Variants in NAA11 observed in about 807,000 individuals in gnomAD.
NAA11 encodes the protein N-alpha-acetyltransferase 11, NatA catalytic subunit.
Under a neutral mutation model 16.1 loss-of-function variants are expected in NAA11, and 15 were observed. The ratio of observed to expected loss-of-function variants is 0.93; its 90% confidence interval spans 0.62 to 1.44. NAA11 has a LOEUF of 1.44. Among genes scored for constraint, NAA11 ranks in the 40% most tolerant of loss-of-function variants. The pLI is 0.00. For missense variants in NAA11, 298 were observed against 291.3 expected (o/e 1.02, Z -0.17); for synonymous variants, 122 against 112.4 (o/e 1.09, Z -0.54).
chr4:79,316,262 A>G (rs999724637), downstream of NAA11, among the ~76,000 whole-genome samples: 2 of 152,242 alleles, frequency 1.3e-5, no homozygotes, highest in African/African-American at 4.8e-5. Flanking sequence ...CACATGGTTG[A>G]GAGGAAAGAA....
the NAA11 span, among the ~76,000 whole-genome samples, chr4:79,174,190 A>G: frequency 6.6e-6 from 1 of 152,202 alleles, no homozygotes; most frequent in South Asian, 2.1e-4. Flanking sequence ...ATTTTGAGAA[A>G]AAATCATTAG....
At chr4:79,308,858 GTTTTT>G (rs201689157) in intron 1 of NAA11, 31 of 151,344 alleles carry the variant, frequency 2.0e-4, no homozygotes, top group African/African-American at 7.3e-4. Flanking sequence ...GTTAGACTGA[GTTTTT>G]TTTTAAGTGC....
intron 2 of NAA11, among the ~76,000 whole-genome samples, chr4:79,246,463 C>T (rs1317066049): frequency 2.0e-5 from 3 of 150,384 alleles, no homozygotes; most frequent in African/African-American, 7.3e-5. Context: ...TTTAAAGAAT[C>T]CTTTAAAATG....
At position 79,310,380 on chromosome 4, in the gene NAA11, G is replaced by A. The variant is rs115378766; in HGVS notation, c.*12+14796C>T. On this transcript the variant is annotated intron_variant and NMD_transcript_variant, in intron 1 of 2. Transcript: ENST00000511542. ...CTGTGAATTTCCTTATTTTACTCTC[G>A]CAACAACTCTACAGTTCCTTAAAGC... is the stretch of plus-strand genomic sequence containing the variant. Among the ~76,000 whole-genome samples the A allele has an allele frequency of 5.5e-3, 833 of 152,204 alleles. 3 individuals are homozygous for A. The highest frequency in any genetic ancestry group is 0.016 in the African/African-American group (670 of 41,528).
At chr4:79,192,825 C>G in the NAA11 span, among the ~76,000 whole-genome samples, 1 of 150,258 alleles carries the variant, frequency 6.7e-6, no homozygotes, top group Non-Finnish European at 1.5e-5. Context: ...AATGGTTGAA[C>G]TAGTTTACAG....
chr4:79,181,881 T>A, the NAA11 span, among the ~76,000 whole-genome samples: 1 of 152,162 alleles, frequency 6.6e-6, no homozygotes, highest in South Asian at 2.1e-4. Flanking sequence ...CTGTTGAAAA[T>A]CATCTTCTGA....
chr4:79,202,236 T>G, the NAA11 span, among the ~76,000 whole-genome samples: 3 of 151,554 alleles, frequency 2.0e-5, no homozygotes, highest in South Asian at 2.1e-4. Flanking sequence ...AAATGTGGAA[T>G]GTATGTATAC....
intron 2 of NAA11, among the ~76,000 whole-genome samples, chr4:79,240,411 A>G (rs1052912724): frequency 6.6e-6 from 1 of 152,204 alleles, no homozygotes; most frequent in African/African-American, 2.4e-5. Flanking sequence ...TTTGTGTTAG[A>G]GATCATTATA....
chr4:79,187,888 A>G, the NAA11 span, among the ~76,000 whole-genome samples: 2 of 150,372 alleles, frequency 1.3e-5, no homozygotes, highest in African/African-American at 4.9e-5. Flanking sequence ...AGTCCCAGCT[A>G]CTCGGGAGGC....
intron 1 of NAA11, among the ~76,000 whole-genome samples, chr4:79,302,238 C>A: frequency 6.6e-6 from 1 of 152,150 alleles, no homozygotes; most frequent in East Asian, 1.9e-4. Context: ...AATTTTCCTT[C>A]TCTTCTGAAG....
chr4:79,196,955 C>CAAAAA, the NAA11 span, among the ~76,000 whole-genome samples: 1,093 of 86,118 alleles, frequency 0.013, 2 homozygotes, highest in East Asian at 0.028. Context: ...ATGAAAAAGA[C>CAAAAA]AAAAAAAAAA....
chr4:79,285,119 C>G (rs565638609), intron 2 of NAA11, among the ~76,000 whole-genome samples: 1 of 152,216 alleles, frequency 6.6e-6, no homozygotes, highest in Non-Finnish European at 1.5e-5. Flanking sequence ...ACGCTAACAC[C>G]TGTCAGCATG....
chr4:79,198,989 C>T, the NAA11 span, among the ~76,000 whole-genome samples: 1 of 151,900 alleles, frequency 6.6e-6, no homozygotes, highest in East Asian at 1.9e-4. Context: ...GAAGAGGGAT[C>T]TGCAAGTGTA....
chr4:79,176,111 T>C, the NAA11 span, among the ~76,000 whole-genome samples: 1 of 152,154 alleles, frequency 6.6e-6, no homozygotes, highest in African/African-American at 2.4e-5. Context: ...AGGAATCAGA[T>C]GGCAAATAAA....
chr4:79,244,098 C>T (rs1180318499), intron 2 of NAA11, among the ~76,000 whole-genome samples: 2 of 152,194 alleles, frequency 1.3e-5, no homozygotes, highest in East Asian at 3.9e-4. Flanking sequence ...GTTACTTCTC[C>T]CTGGGGTCAG....
chr4:79,181,673 A>G, the NAA11 span, among the ~76,000 whole-genome samples: 2 of 152,158 alleles, frequency 1.3e-5, no homozygotes, highest in Non-Finnish European at 2.9e-5. Flanking sequence ...GCTGATTTGC[A>G]GCTTTGTAAC....
rs1333958222 is a variant in NAA11, at chr4:79,325,974, G to C, written c.-97C>G. On this transcript the variant is annotated 5_prime_UTR_variant, in exon 1 of 2. Coordinates refer to ENST00000286794, the MANE Select transcript of NAA11 (RefSeq NM_032693.3). ...CTGTTTGCCTCAGGAATCGAGTCCAGGGGGCTAACACCACCGGGCTGAATC... is the reference window on the plus strand; with the variant it reads ...CTGTTTGCCTCAGGAATCGAGTCCACGGGGCTAACACCACCGGGCTGAATC... The C allele has an allele frequency of 6.7e-6, 7 of 1,049,612 alleles. No homozygotes were observed. The highest frequency in any genetic ancestry group is 3.2e-5 in the African/African-American group (2 of 62,354). 65.0% of individuals were successfully genotyped at this position (1,049,612 alleles called of 1,614,324 possible).
rs536412220 is a variant in NAA11 at position 79,321,951 on chromosome 4, T to A, written c.*12+3225A>T. Among the ~76,000 whole-genome samples, 59 of 152,320 alleles carry A rather than the reference T, an allele frequency of 3.9e-4. No individual in the cohort carries two copies. In the South Asian group the frequency reaches 9.7e-3, roughly 25 times the overall value. The stretch of plus-strand genomic sequence containing the variant: ...AAAGGGAGCTACAGAAAATTAAGAA[T>A]CCCTGTCTAAATGATCCCTGAATGA... On this transcript the variant is annotated intron_variant, in intron 1 of 1. Coordinates refer to ENST00000286794, the MANE Select transcript of NAA11 (RefSeq NM_032693.3).
intron 2 of NAA11, among the ~76,000 whole-genome samples, chr4:79,261,647 C>A (rs1368649310): frequency 6.6e-6 from 1 of 152,116 alleles, no homozygotes; most frequent in Non-Finnish European, 1.5e-5. Flanking sequence ...CTTTTGAAAC[C>A]AGTGAGACCA....
Sources: gnomAD v4.1 joint callset for allele counts (sites outside exome capture counted in the v4.1 genomes callset) on GRCh38, gnomAD v4.1.1 for gene constraint, MANE v1.5 for transcripts, NCBI Gene and HGNC (gene_info 2026-07-23, HGNC 2026-07-21) for gene names.